Variants in SPOUT1 observed in about 807,000 individuals in gnomAD.
SPOUT1 encodes SPOUT domain containing methyltransferase 1.
SPOUT1 carries 40 observed loss-of-function variants against 54.8 expected under a neutral mutation model. That is an observed-to-expected ratio of 0.73 (90% CI 0.57 to 0.95). The LOEUF (loss-of-function observed/expected upper bound fraction) is 0.95, where lower values mean the gene tolerates loss of function less well. Among genes scored for constraint, SPOUT1 ranks in the 40% least tolerant of loss-of-function variants. The pLI, the probability that SPOUT1 is intolerant of heterozygous loss-of-function variation, is 0.00. For missense variants in SPOUT1, 437 were observed against 499.5 expected (o/e 0.87, Z 1.19); for synonymous variants, 193 against 200.3 (o/e 0.96, Z 0.31).
In SPOUT1 at chr9:128,820,917, C is replaced by A; in HGVS notation, c.*1848G>T. 1 of 1,397,920 alleles carries A rather than the reference C, an allele frequency of 7.2e-7. No homozygotes were observed. The highest frequency in any genetic ancestry group is 9.9e-7 in the Non-Finnish European group (1 of 1,008,092). 86.6% of individuals were successfully genotyped at this position (1,397,920 alleles called of 1,614,324 possible). On this transcript the variant is annotated 3_prime_UTR_variant, in exon 12 of 12. Transcript: ENST00000361256. ...GAGGCCCCTACTGCCACTCACAGGG[C>A]CAGGCTTGCCCCAGGCTCTGGGTCA...
rs909090559 is a variant in SPOUT1, at chr9:128,826,398, T to A, written c.494A>T (p.Asp165Val). ...TACAGCGTTACCTGCAAACTGTAGA[T>A]CCTGGTGCTTGGGGAAGAACGCCTT... ...LRKAFFPKHQ[D>V]LQFAGLLNPL... Residue 165 changes from aspartate (D) to valine (V), a missense_variant, in exon 6 of 12, where the codon GAT becomes GTT. Asp to Val is a radical substitution (Grantham distance 152). Transcript: ENST00000361256. This position sits in a 1 kb window ranked among gnomAD's most constrained non-coding sequence, Gnocchi z 5.5. 6.2e-7 allele frequency: 1 copy of A among 1,613,928 alleles called. No homozygotes were observed. The highest frequency in any genetic ancestry group is 1.3e-5 in the African/African-American group (1 of 74,888).
chr9:128,827,192 C>G lies in SPOUT1; in HGVS notation c.209-1G>C. On this transcript the variant is annotated splice_acceptor_variant, in intron 3 of 11. Transcript: ENST00000361256. LOFTEE classifies it high-confidence loss of function. Reference sequence around the variant, plus strand: ...GCTACGCTCAGTGTGTAGGGCCGCCCTGAGCAGGGGAGGGATGTTCCCAGC... The same window carrying G: ...GCTACGCTCAGTGTGTAGGGCCGCCGTGAGCAGGGGAGGGATGTTCCCAGC... The G allele has an allele frequency of 1.2e-6, 2 of 1,609,748 alleles. No individual in the cohort carries two copies. The highest frequency in any genetic ancestry group is 1.7e-6 in the Non-Finnish European group (2 of 1,177,970).
rs1830124042 is a variant in SPOUT1, at chr9:128,821,805, C to G, written c.*960G>C. On this transcript the variant is annotated 3_prime_UTR_variant, in exon 12 of 12. Transcript: ENST00000361256. ...TTGATGTCACATGCTTCCCCAGGGCCTGGTCCATGGTAAGGGCTCGGCATA... is the reference window on the plus strand; with the variant it reads ...TTGATGTCACATGCTTCCCCAGGGCGTGGTCCATGGTAAGGGCTCGGCATA... 1 of 167,062 alleles carries G rather than the reference C, an allele frequency of 6.0e-6. No homozygotes were observed. The highest frequency in any genetic ancestry group is 1.3e-5 in the Non-Finnish European group (1 of 76,378). 10.3% of individuals were successfully genotyped at this position (167,062 alleles called of 1,614,324 possible).
At position 128,820,657 on chromosome 9, in the gene SPOUT1, C is replaced by A; in HGVS notation, c.*2108G>T. On this transcript the variant is annotated 3_prime_UTR_variant, in exon 12 of 12. Transcript: ENST00000361256. ...ACTGGATATCTCTGAGCCTGTCCATCCCCTCAGGACCTGGGGCGGCCCTCT... is the reference window on the plus strand; with the variant it reads ...ACTGGATATCTCTGAGCCTGTCCATACCCTCAGGACCTGGGGCGGCCCTCT... 1.7e-6 allele frequency: 2 copies of A among 1,155,090 alleles called. No individual in the cohort carries two copies. Among genetic ancestry groups the A allele is most frequent in the South Asian group, 1.3e-5 (1 of 75,112 alleles). 71.6% of individuals were successfully genotyped at this position (1,155,090 alleles called of 1,614,324 possible). A position where few individuals can be genotyped will look rare whatever the true frequency, so the allele number is the denominator to read the frequency against.
Position 128,829,751 on chromosome 9 carries a change from G to A in SPOUT1, c.30C>T (p.Cys10=), listed in dbSNP as rs770514744. MAERGRKRP[C]GPGEHGQRIE... is the part of the protein sequence containing the mutation. ...TCCCGCCGCCCGCACTTACCGGGCC[G>A]CACGGCCGCTTCCTGCCGCGCTCCG... The change falls in exon 1 of 12, where the codon TGC becomes TGT. Residue 10 remains cysteine, a synonymous_variant. Coordinates refer to ENST00000361256, the MANE Select transcript of SPOUT1 (RefSeq NM_016390.4). 2.5e-6 allele frequency: 4 copies of A among 1,600,906 alleles called. No individual in the cohort carries two copies. Among genetic ancestry groups the A allele is most frequent in the Admixed American group, 1.7e-5 (1 of 58,024 alleles).
Position 128,820,765 on chromosome 9 carries a change from G to C in SPOUT1, c.*2000C>G, listed in dbSNP as rs766793888. 2 of 1,611,794 alleles carry C rather than the reference G, an allele frequency of 1.2e-6. No individual in the cohort carries two copies. Among genetic ancestry groups the C allele is most frequent in the East Asian group, 4.5e-5 (2 of 44,868 alleles). On this transcript the variant is annotated 3_prime_UTR_variant, in exon 12 of 12. Coordinates refer to ENST00000361256, the MANE Select transcript of SPOUT1 (RefSeq NM_016390.4). ...TGCCCCACCTCAACCAGAATGCCTG[G>C]AACAACCTGGAGAAATATAGCCGCA...
chr9:128,829,079 T>C (rs1370188509), intron 2 of SPOUT1, 31 bp downstream of exon 2: 7 of 1,602,716 alleles, frequency 4.4e-6, no homozygotes, highest in Non-Finnish European at 5.1e-6. Flanking sequence ...GAGTGGCCTA[T>C]GGGAAGATAC....
intron 9 of SPOUT1, 67 bp from the exon 10 acceptor site, chr9:128,824,241 G>A: frequency 1.3e-6 from 1 of 775,378 alleles, no homozygotes; most frequent in Non-Finnish European, 2.3e-6. Flanking sequence ...TATTATGTGT[G>A]TGTGTACTGA....
Position 128,821,997 on chromosome 9 carries a change from C to G in SPOUT1, c.*768G>C, listed in dbSNP as rs573337429. Reference sequence around the variant, plus strand: ...TGTCATGGTCCTTGCCCACTTGTTGCTCACCTCTGTGGGGAGAGATGGACA... The same window carrying G: ...TGTCATGGTCCTTGCCCACTTGTTGGTCACCTCTGTGGGGAGAGATGGACA... On this transcript the variant is annotated 3_prime_UTR_variant, in exon 12 of 12. Coordinates refer to ENST00000361256, the MANE Select transcript of SPOUT1 (RefSeq NM_016390.4). The G allele has an allele frequency of 1.4e-4, 46 of 332,964 alleles. No homozygotes were observed. The highest frequency in any genetic ancestry group is 1.3e-3 in the South Asian group (42 of 31,708). The allele number at this position is 332,964 out of a possible 1,614,324, so 20.6% of individuals were successfully genotyped here. A position where few individuals can be genotyped will look rare whatever the true frequency, so the allele number is the denominator to read the frequency against.
chr9:128,825,479 G>A (rs900808218), intron 7 of SPOUT1, among the ~76,000 whole-genome samples: 5 of 152,052 alleles, frequency 3.3e-5, no homozygotes, highest in Admixed American at 2.0e-4. Context: ...TTATAGATGC[G>A]TGCCACCACA....
intron 7 of SPOUT1, among the ~76,000 whole-genome samples, chr9:128,825,320 T>G (rs1170225827): frequency 5.5e-5 from 2 of 36,124 alleles, no homozygotes; most frequent in Non-Finnish European, 1.0e-4. Flanking sequence ...TTGGTAGCTC[T>G]GCAACTTTTT....
Position 128,820,674 on chromosome 9 carries a change from C to A in SPOUT1, c.*2091G>T. The A allele has an allele frequency of 7.3e-7, 1 of 1,366,070 alleles. No homozygotes were observed. The allele number at this position is 1,366,070 out of a possible 1,614,324, so 84.6% of individuals were successfully genotyped here. On this transcript the variant is annotated 3_prime_UTR_variant, in exon 12 of 12. Coordinates refer to ENST00000361256, the MANE Select transcript of SPOUT1 (RefSeq NM_016390.4). The stretch of plus-strand genomic sequence containing the variant: ...CTGTCCATCCCCTCAGGACCTGGGG[C>A]GGCCCTCTGATAGAGGAGGAAGGGT...
rs2118808718 is a variant in SPOUT1, at chr9:128,826,149, A to G, written c.512T>C (p.Leu171Pro). 6.2e-7 allele frequency: 1 copy of G among 1,604,160 alleles called. No individual in the cohort carries two copies. The highest frequency in any genetic ancestry group is 8.5e-7 in the Non-Finnish European group (1 of 1,174,838). ...GTGGGGGCTGTCCAGGGGGTTCAGG[A>G]GCCCTGTGGAGGCAGAGCCGGGAAG... ...PKHQDLQFAG[L>P]LNPLDSPHHM... The change falls in exon 7 of 12, where the codon CTC (leucine) becomes CCC (proline). Residue 171 changes from leucine (L) to proline (P), a missense_variant. Coordinates refer to ENST00000361256, the MANE Select transcript of SPOUT1 (RefSeq NM_016390.4). The surrounding 1 kb of genome is among the most constrained non-coding windows in gnomAD (Gnocchi z 5.5).
At position 128,822,740 on chromosome 9, in the gene SPOUT1, T is replaced by G. The variant is rs755035276; in HGVS notation, c.*25A>C. 1 of 1,562,092 alleles carries G rather than the reference T, an allele frequency of 6.4e-7. No homozygotes were observed. The highest frequency in any genetic ancestry group is 1.2e-5 in the South Asian group (1 of 84,930). On this transcript the variant is annotated 3_prime_UTR_variant, in exon 12 of 12. Coordinates refer to ENST00000361256, the MANE Select transcript of SPOUT1 (RefSeq NM_016390.4). ...GCCCCTGGTTTCACTGCTGCTTCAC[T>G]GATGTCCTCGGCCCCTTAGAACTTT...
At position 128,826,248 on chromosome 9, in the gene SPOUT1, G is replaced by A. The variant is rs2272673; in HGVS notation, c.509-96C>T. On this transcript the variant is annotated intron_variant, in intron 6 of 11. Coordinates refer to ENST00000361256, the MANE Select transcript of SPOUT1 (RefSeq NM_016390.4). This position sits in a 1 kb window ranked among gnomAD's most constrained non-coding sequence, Gnocchi z 5.5. The stretch of plus-strand genomic sequence containing the variant: ...GGAGTACCGGCTCTGCCACAGACCT[G>A]CGTCTTGGCATCAGACACAGGTCTT... The A allele has an allele frequency of 8.2e-5, 128 of 1,556,532 alleles. No homozygotes were observed. The East Asian group carries it at 2.6e-3, about 31-fold the overall frequency.
intron 3 of SPOUT1, 76 bp downstream of exon 3, chr9:128,828,659 T>G: frequency 6.6e-7 from 1 of 1,526,146 alleles, no homozygotes; most frequent in Non-Finnish European, 9.0e-7. Flanking sequence ...CCCTTTCAGA[T>G]AAGACATCTC....
rs1287717825 is a variant in SPOUT1, at chr9:128,828,818, T to C, written c.125A>G (p.Lys42Arg). 6.2e-7 allele frequency: 1 copy of C among 1,614,182 alleles called. No individual in the cohort carries two copies. Among genetic ancestry groups the C allele is most frequent in the Non-Finnish European group, 8.5e-7 (1 of 1,180,030 alleles). Residue 42 changes from lysine to arginine, a missense_variant, in exon 3 of 12, where the codon AAA (lysine) becomes AGA (arginine). Lys to Arg is a conservative substitution (Grantham distance 26). Transcript: ENST00000361256. ...KKKWKDLKLM[K>R]KLERQRAQEE... ...CTGTGCCCGCTGCCGCTCCAGTTTT[T>C]TCATCAGCTTGAGATCCTTCCATTT...
chr9:128,828,324 C>T (rs1194774980), intron 3 of SPOUT1, among the ~76,000 whole-genome samples: 2 of 152,076 alleles, frequency 1.3e-5, no homozygotes, highest in African/African-American at 2.4e-5. Context: ...GGTGCAACCA[C>T]GTCTCTACTA....
rs1384332601 is a variant in SPOUT1 at position 128,822,544 on chromosome 9, GCT to G, written c.*219_*220del. The G allele has an allele frequency of 6.4e-7, 1 of 1,560,654 alleles. No individual in the cohort carries two copies. The highest frequency in any genetic ancestry group is 1.4e-5 in the African/African-American group (1 of 73,852). On this transcript the variant is annotated 3_prime_UTR_variant, in exon 12 of 12. Coordinates refer to ENST00000361256, the MANE Select transcript of SPOUT1 (RefSeq NM_016390.4). ...AGAGCATTGAGCGGGCTTCGGGGCTGCTCTTTGTGCCAAACATCCTGGCGCGG... is the reference window on the plus strand; with the variant it reads ...AGAGCATTGAGCGGGCTTCGGGGCTGCTTTGTGCCAAACATCCTGGCGCGG...
Sources: gnomAD v4.1 joint callset for allele counts (sites outside exome capture counted in the v4.1 genomes callset) on GRCh38, gnomAD v4.1.1 for gene constraint, Gnocchi (gnomAD v3.1) non-coding constraint, MANE v1.5 for transcripts, NCBI Gene and HGNC (gene_info 2026-07-23, HGNC 2026-07-21) for gene names.